PRUNE2: variants seen among roughly 807,000 people sequenced by gnomAD.
The protein encoded by PRUNE2 is prune homolog 2 with BCH domain, also known as protein prune homolog 2.
In PRUNE2, 164 loss-of-function variants were observed where a neutral mutation model predicts 252.0. That is an observed-to-expected ratio of 0.65 (90% confidence interval 0.57 to 0.74). The LOEUF (loss-of-function observed/expected upper bound fraction) is 0.74, where lower values mean the gene tolerates loss of function less well. Among genes scored for constraint, PRUNE2 ranks in the 30% least tolerant of loss-of-function variants. The pLI is 0.00. For missense variants in PRUNE2, 3,495 were observed against 3,711.0 expected, an observed-to-expected ratio of 0.94 and a Z score of 1.51; for synonymous variants, 1,292 against 1,350.2, an observed-to-expected ratio of 0.96 and a Z score of 0.94.
chr9:76,870,972 A>G (rs2061164095), intron 1 of PRUNE2, among the ~76,000 whole-genome samples: 1 of 152,234 alleles, frequency 6.6e-6, no homozygotes, highest in Non-Finnish European at 1.5e-5. Flanking sequence ...CTGGGCAGCT[A>G]CTATGGATCA....
chr9:76,769,543 A>G (rs1034435796), intron 6 of PRUNE2, among the ~76,000 whole-genome samples: 1 of 152,142 alleles, frequency 6.6e-6, no homozygotes, highest in African/African-American at 2.4e-5. Flanking sequence ...CTCCTGCCTC[A>G]GCCTCCCAAG....
intron 6 of PRUNE2, among the ~76,000 whole-genome samples, chr9:76,761,085 C>CAA (rs34127776): frequency 0.062 from 5,798 of 93,574 alleles, 503 homozygotes; most frequent in African/African-American, 0.2. Flanking sequence ...GACTCTGTCT[C>CAA]AAAAAAAAAA....
Position 76,708,007 on chromosome 9 carries a change from T to G in PRUNE2, c.4267A>C (p.Asn1423His). 2 of 1,614,028 alleles carry G rather than the reference T, an allele frequency of 1.2e-6. No homozygotes were observed. The highest frequency in any genetic ancestry group is 1.7e-6 in the Non-Finnish European group (2 of 1,179,886). Reference protein sequence around the residue: ...RDVQTGMSADNLQPKDTHEKH... With the variant: ...RDVQTGMSADHLQPKDTHEKH... ...TCATGGGTATCTTTTGGCTGCAGGT[T>G]ATCTGCGGACATCCCTGTTTGCACA... is the stretch of plus-strand genomic sequence containing the variant. The change falls in exon 8 of 19, where the codon AAC (asparagine) becomes CAC (histidine). Residue 1423 changes from asparagine to histidine, a missense_variant. By Grantham distance (68) the Asn-to-His change is moderately conservative. Transcript: ENST00000376718.
At chr9:76,845,961 G>A (rs1191046729) in intron 4 of PRUNE2, among the ~76,000 whole-genome samples, 1 of 152,166 alleles carries the variant, frequency 6.6e-6, no homozygotes, top group Non-Finnish European at 1.5e-5. Context: ...AACTGATGAT[G>A]GTGTGTTCAG....
intron 4 of PRUNE2, among the ~76,000 whole-genome samples, chr9:76,828,000 T>C (rs998071344): frequency 1.3e-5 from 2 of 152,208 alleles, no homozygotes; most frequent in African/African-American, 2.4e-5. Context: ...ATGCTAACGA[T>C]TCAAGATTAG....
At chr9:76,778,819 A>G (rs1239141564) in intron 6 of PRUNE2, 1 of 152,240 alleles carries the variant, frequency 6.6e-6, no homozygotes, top group Non-Finnish European at 1.5e-5. Context: ...CAAATTTAAT[A>G]TATGTCAGAT....
At chr9:76,645,053 G>C (rs988349312) in intron 11 of PRUNE2, 144 bp from the exon 12 acceptor site, 1 of 697,390 alleles carries the variant, frequency 1.4e-6, no homozygotes, top group Admixed American at 2.9e-5. Flanking sequence ...CCTGATCAAA[G>C]TCCTTGTTTT....
chr9:76,831,180 C>T (rs1010255860), intron 4 of PRUNE2, among the ~76,000 whole-genome samples: 24 of 152,038 alleles, frequency 1.6e-4, no homozygotes, highest in African/African-American at 5.3e-4. Context: ...CCGCCCACCT[C>T]GGCCTCCCAA....
chr9:76,845,028 C>CAAAAAAAAAA (rs1456337930), intron 4 of PRUNE2, among the ~76,000 whole-genome samples: 1 of 72,550 alleles, frequency 1.4e-5, no homozygotes, highest in African/African-American at 5.7e-5. Context: ...AAAAAAAAAG[C>CAAAAAAAAAA]AAAAAAATTT....
chr9:76,736,540 C>T (rs955760657), intron 6 of PRUNE2: 8 of 152,234 alleles, frequency 5.3e-5, no homozygotes, highest in Non-Finnish European at 4.4e-5. Flanking sequence ...TCCTGACATA[C>T]TCGCTGTCTG....
chr9:76,626,605 G>A (rs190013812), intron 16 of PRUNE2, among the ~76,000 whole-genome samples: 131 of 152,310 alleles, frequency 8.6e-4, no homozygotes, highest in Non-Finnish European at 1.5e-3. Flanking sequence ...CCCAAATGGA[G>A]CCCTTGAAAA....
chr9:76,841,656 C>T (rs1256180770), intron 4 of PRUNE2, among the ~76,000 whole-genome samples: 2 of 152,150 alleles, frequency 1.3e-5, no homozygotes, highest in Non-Finnish European at 2.9e-5. Flanking sequence ...GTGGTTTTCC[C>T]CTCATAGTGT....
At chr9:76,863,870 G>A (rs560337457) in intron 1 of PRUNE2, among the ~76,000 whole-genome samples, 2 of 152,190 alleles carry the variant, frequency 1.3e-5, no homozygotes, top group East Asian at 1.9e-4. Context: ...CAGCCACTGC[G>A]GAAAGCAGCT....
chr9:76,842,326 C>T (rs2059435477), intron 4 of PRUNE2, among the ~76,000 whole-genome samples: 2 of 152,152 alleles, frequency 1.3e-5, no homozygotes, highest in Non-Finnish European at 2.9e-5. Context: ...TTACACCTTA[C>T]AAAAATTAAC....
chr9:76,829,310 C>T (rs2058532264), intron 4 of PRUNE2, among the ~76,000 whole-genome samples: 1 of 152,044 alleles, frequency 6.6e-6, no homozygotes, highest in African/African-American at 2.4e-5. Flanking sequence ...AGCCAATAGG[C>T]TGAAAAAATT....
intron 9 of PRUNE2, among the ~76,000 whole-genome samples, chr9:76,671,851 C>T (rs1402075840): frequency 2.6e-5 from 4 of 151,636 alleles, no homozygotes; most frequent in African/African-American, 9.7e-5. Flanking sequence ...CAAGCAAATG[C>T]TGAGAGATTT....
intron 1 of PRUNE2, among the ~76,000 whole-genome samples, chr9:76,881,426 A>G (rs2133294564): frequency 6.6e-6 from 1 of 152,340 alleles, no homozygotes; most frequent in African/African-American, 2.4e-5. Context: ...TGAAATTTAC[A>G]TAACATAAAA....
chr9:76,777,175 C>A (rs2053898037), intron 6 of PRUNE2, among the ~76,000 whole-genome samples: 1 of 152,058 alleles, frequency 6.6e-6, no homozygotes, highest in African/African-American at 2.4e-5. Flanking sequence ...AATGCAATGA[C>A]CCAAAGCATG....
chr9:76,755,015 A>C (rs547635025), intron 6 of PRUNE2, among the ~76,000 whole-genome samples: 1 of 151,948 alleles, frequency 6.6e-6, no homozygotes, highest in South Asian at 2.1e-4. Context: ...CAAAAACAAA[A>C]AAAACTTTTT....
Sources: allele counts gnomAD v4.1 joint callset (sites outside exome capture counted in the v4.1 genomes callset), GRCh38; gene constraint gnomAD v4.1.1; transcripts MANE v1.5; gene names NCBI Gene and HGNC (gene_info 2026-07-23, HGNC 2026-07-21).